WWC2: variants seen among roughly 807,000 people sequenced by gnomAD.
The protein encoded by WWC2 is protein WWC2.
A neutral mutation model predicts 138.5 loss-of-function variants in WWC2; 101 were observed. That is an observed-to-expected ratio of 0.73 (90% CI 0.62 to 0.86). WWC2 has a LOEUF of 0.86. Among genes scored for constraint, WWC2 ranks in the 40% least tolerant of loss-of-function variants. WWC2 has a pLI of 0.00. For missense variants in WWC2, 1,420 were observed against 1,419.4 expected (o/e 1.00, Z -0.01); for synonymous variants, 558 against 538.4 (o/e 1.04, Z -0.50).
chr4:183,152,324 C>T lies in WWC2; in HGVS notation c.132-41275C>T, dbSNP rs185039736. Among the ~76,000 whole-genome samples, 86 of 151,846 alleles carry T rather than the reference C, an allele frequency of 5.7e-4. 1 individual carries two copies. The Middle Eastern group carries it at 0.027, about 48-fold the overall frequency. On this transcript the variant is annotated intron_variant, in intron 1 of 22. Coordinates refer to ENST00000403733, the MANE Select transcript of WWC2 (RefSeq NM_024949.6). The stretch of plus-strand genomic sequence containing the variant: ...GACCAGCCTGGGTAACATAGTGAGA[C>T]CCTGTCTCTACAAAAAATAAAAAAA...
intron 1 of WWC2, among the ~76,000 whole-genome samples, chr4:183,128,043 G>GAAAA (rs528448875): frequency 0.027 from 3,211 of 120,664 alleles, 60 homozygotes; most frequent in Non-Finnish European, 0.04. Flanking sequence ...CCCCATCTCT[G>GAAAA]AAAAAAAAAA....
intron 5 of WWC2, among the ~76,000 whole-genome samples, chr4:183,243,478 C>A (rs922425617): frequency 1.3e-5 from 2 of 152,142 alleles, no homozygotes; most frequent in African/African-American, 2.4e-5. Context: ...TTCAGGGAGT[C>A]AGAAATTCCA....
At chr4:183,163,555 G>A (rs1191560007) in intron 1 of WWC2, among the ~76,000 whole-genome samples, 5 of 152,186 alleles carry the variant, frequency 3.3e-5, no homozygotes, top group Admixed American at 6.5e-5. Flanking sequence ...ACCTGAGTGC[G>A]AAACAGCTGA....
intron 21 of WWC2, among the ~76,000 whole-genome samples, chr4:183,310,922 A>G (rs898974446): frequency 1.3e-5 from 2 of 151,800 alleles, no homozygotes; most frequent in Non-Finnish European, 2.9e-5. Context: ...AGTACTTTAC[A>G]TATATATGTA....
intron 15 of WWC2, among the ~76,000 whole-genome samples, chr4:183,270,352 A>G (rs1271941954): frequency 6.6e-6 from 1 of 152,220 alleles, no homozygotes; most frequent in African/African-American, 2.4e-5. Context: ...TAACTTATGT[A>G]TCTAAAGAAA....
chr4:183,123,466 T>G (rs2111052961), intron 1 of WWC2, among the ~76,000 whole-genome samples: 1 of 150,592 alleles, frequency 6.6e-6, no homozygotes, highest in Admixed American at 6.7e-5. Flanking sequence ...CCCACAAAAC[T>G]AAGGCATATA....
intron 15 of WWC2, among the ~76,000 whole-genome samples, chr4:183,270,302 T>C (rs1737657661): frequency 6.6e-6 from 1 of 152,132 alleles, no homozygotes; most frequent in Non-Finnish European, 1.5e-5. Flanking sequence ...TTTGGTGGAA[T>C]ATGGAAAGCC....
intron 4 of WWC2, among the ~76,000 whole-genome samples, chr4:183,209,467 C>G (rs1735539178): frequency 6.6e-6 from 1 of 152,152 alleles, no homozygotes; most frequent in South Asian, 2.1e-4. Flanking sequence ...GAACTCCTGA[C>G]TGCAAGTTAT....
chr4:183,115,036 C>T (rs1561421048), intron 1 of WWC2, among the ~76,000 whole-genome samples: 1 of 152,176 alleles, frequency 6.6e-6, no homozygotes, highest in Admixed American at 6.5e-5. Flanking sequence ...ACCTTCCACT[C>T]TCAAATAGGC....
chr4:183,253,899 C>G lies in WWC2; in HGVS notation c.1096C>G (p.Arg366Gly). The G allele has an allele frequency of 1.9e-6, 3 of 1,613,836 alleles. No homozygotes were observed. Among genetic ancestry groups the G allele is most frequent in the Non-Finnish European group, 2.5e-6 (3 of 1,179,832 alleles). The change falls in exon 9 of 23, where the codon CGT (arginine) becomes GGT (glycine). Residue 366 changes from arginine to glycine, a missense_variant. Arg to Gly is a moderately radical substitution (Grantham distance 125). Transcript: ENST00000403733. ...GCTTCAGTTCGTCACCCCACAGAAA[C>G]GTACCCAAGATGAATTAGAACGCCT... ...KELQFVTPQK[R>G]TQDELERLEA...
rs1360391967 is a variant in WWC2 at position 183,193,656 on chromosome 4, G to A, written c.189G>A (p.Trp63Ter). Residue 63 changes from tryptophan to a stop codon, truncating the protein, a stop_gained, in exon 2 of 23, where the codon TGG (tryptophan) becomes TGA (stop). Coordinates refer to ENST00000403733, the MANE Select transcript of WWC2 (RefSeq NM_024949.6). LOFTEE classifies it high-confidence loss of function. The stretch of plus-strand genomic sequence containing the variant: ...TTGGGGATGAGCTGCCGTGGGGATG[G>A]GAAGCAGGGTTTGACCCTCAGATTG... ...DCVGDELPWG[W>*]EAGFDPQIGV... 1 of 1,613,732 alleles carries A rather than the reference G, an allele frequency of 6.2e-7. No individual in the cohort carries two copies. Among genetic ancestry groups the A allele is most frequent in the South Asian group, 1.1e-5 (1 of 91,056 alleles).
intron 1 of WWC2, among the ~76,000 whole-genome samples, chr4:183,149,670 C>CTTT (rs554589228): frequency 7.6e-6 from 1 of 132,308 alleles, no homozygotes; most frequent in African/African-American, 2.8e-5. Context: ...TAGCTTCTCT[C>CTTT]TTTTTTTTTT....
chr4:183,121,619 C>T (rs1732603491), intron 1 of WWC2, among the ~76,000 whole-genome samples: 1 of 152,012 alleles, frequency 6.6e-6, no homozygotes, highest in Admixed American at 6.6e-5. Context: ...TATATATTCC[C>T]AGTAACCCAT....
intron 4 of WWC2, among the ~76,000 whole-genome samples, chr4:183,231,779 T>C (rs2081274088): frequency 1.3e-5 from 2 of 152,104 alleles, no homozygotes; most frequent in Admixed American, 1.3e-4. Flanking sequence ...TGCCTCAGCC[T>C]CCCGAGTAGC....
In WWC2 at chr4:183,158,063, G is replaced by T. The variant is rs552748997; in HGVS notation, c.132-35536G>T. ...ATTTAGATGAACTTTGTCTTTTAGG[G>T]AGTGATTTTAGATCAATCTTAGGGC... On this transcript the variant is annotated intron_variant, in intron 1 of 22. Transcript: ENST00000403733. Among the ~76,000 whole-genome samples, 11 of 152,132 alleles carry T rather than the reference G, an allele frequency of 7.2e-5. No individual in the cohort carries two copies. The East Asian group carries it at 1.7e-3, about 24-fold the overall frequency.
intron 5 of WWC2, among the ~76,000 whole-genome samples, chr4:183,243,731 T>C (rs1736682900): frequency 6.9e-6 from 1 of 144,826 alleles, no homozygotes. Context: ...CTCCCCATTC[T>C]AAACACTGTG....
At chr4:183,282,447 A>G (rs1738106275) in intron 17 of WWC2, among the ~76,000 whole-genome samples, 1 of 152,108 alleles carries the variant, frequency 6.6e-6, no homozygotes, top group East Asian at 1.9e-4. Context: ...GAATATGTCT[A>G]TTTTGATATC....
At chr4:183,141,290 G>C (rs1169731489) in intron 1 of WWC2, among the ~76,000 whole-genome samples, 1 of 152,088 alleles carries the variant, frequency 6.6e-6, no homozygotes. Flanking sequence ...GTCCCCACAT[G>C]GCCTTTCTCA....
chr4:183,141,508 A>G (rs1561433489), intron 1 of WWC2, among the ~76,000 whole-genome samples: 2 of 152,168 alleles, frequency 1.3e-5, no homozygotes, highest in African/African-American at 2.4e-5. Flanking sequence ...ACAGCACCCT[A>G]CTACCACCCC....
Sources: gnomAD v4.1 joint callset for allele counts (sites outside exome capture counted in the v4.1 genomes callset) on GRCh38, gnomAD v4.1.1 for gene constraint, MANE v1.5 for transcripts, NCBI Gene and HGNC (gene_info 2026-07-23, HGNC 2026-07-21) for gene names.